The following SLC25A21 variants were observed in gnomAD, a reference collection of about 807,000 sequenced individuals.
SLC25A21 encodes the protein mitochondrial 2-oxodicarboxylate carrier.
SLC25A21 carries 47 observed loss-of-function variants against 43.8 expected under a neutral mutation model. That is an observed-to-expected ratio of 1.07 (90% CI 0.85 to 1.37). The LOEUF (loss-of-function observed/expected upper bound fraction) is 1.37. Ranked by LOEUF, SLC25A21 falls within the 40% of genes most tolerant of loss-of-function variation. The pLI is 0.00. For synonymous variants in SLC25A21, 131 were observed against 121.3 expected, an observed-to-expected ratio of 1.08 and a Z score of -0.52; for missense variants, 352 against 350.2, an observed-to-expected ratio of 1.00 and a Z score of -0.04.
At chr14:36,824,632 C>G (rs986962251) in intron 2 of SLC25A21, among the ~76,000 whole-genome samples, 3 of 151,962 alleles carry the variant, frequency 2.0e-5, no homozygotes, top group African/African-American at 7.3e-5. Flanking sequence ...AAAAGGGCAC[C>G]GGGCTAGAGG....
intron 3 of SLC25A21, among the ~76,000 whole-genome samples, chr14:36,752,583 T>C (rs2139262061): frequency 6.6e-6 from 1 of 152,304 alleles, no homozygotes; most frequent in East Asian, 1.9e-4. Context: ...TTCTGACACA[T>C]GCTATAACAT....
At chr14:36,977,649 G>A (rs1032377167) in intron 1 of SLC25A21, among the ~76,000 whole-genome samples, 9 of 152,074 alleles carry the variant, frequency 5.9e-5, no homozygotes, top group Admixed American at 6.6e-5. Flanking sequence ...TGCAAGGGGG[G>A]CCTTGTAAAA....
At chr14:36,968,105 G>C (rs1042914520) in intron 1 of SLC25A21, among the ~76,000 whole-genome samples, 2 of 152,206 alleles carry the variant, frequency 1.3e-5, no homozygotes, top group Admixed American at 1.3e-4. Context: ...AGTGCTAGTA[G>C]AAGAGAGCTT....
In SLC25A21 at chr14:37,172,579, C is replaced by T. The variant is rs776877910; in HGVS notation, c.-229G>A. On this transcript the variant is annotated 5_prime_UTR_variant, in exon 1 of 10. Transcript: ENST00000331299. The stretch of plus-strand genomic sequence containing the variant: ...CGCAGCGCTCTCGCAGAGGCGCCCT[C>T]GGCTCCGAAAATGTCTCTGGAAAGA... The T allele has an allele frequency of 2.7e-5, 19 of 698,212 alleles. No individual in the cohort carries two copies. Among genetic ancestry groups the T allele is most frequent in the Non-Finnish European group, 4.4e-5 (17 of 382,546 alleles). 43.3% of individuals were successfully genotyped at this position (698,212 alleles called of 1,614,324 possible). A position where few individuals can be genotyped will look rare whatever the true frequency, so the allele number is the denominator to read the frequency against.
rs572953983 is a variant in SLC25A21 at position 36,777,375 on chromosome 14, AT to A, written c.203+36542del. ...CAAAATGACCTCTGTAATGAGTTGG[AT>A]AGTGGCCCTAAAAAGATACGTCCAA... On this transcript the variant is annotated intron_variant, in intron 3 of 9. Coordinates refer to ENST00000331299, the MANE Select transcript of SLC25A21 (RefSeq NM_030631.4). Among the ~76,000 whole-genome samples, 38 of 152,354 alleles carry A rather than the reference AT, an allele frequency of 2.5e-4. No homozygotes were observed. The South Asian group carries it at 7.5e-3, about 30-fold the overall frequency.
In SLC25A21 at chr14:36,770,694, C is replaced by A. The variant is rs527876112; in HGVS notation, c.204-36121G>T. Among the ~76,000 whole-genome samples the A allele has an allele frequency of 7.2e-5, 11 of 152,224 alleles. No homozygotes were observed. The South Asian group carries it at 1.9e-3, about 26-fold the overall frequency. ...TGGTGAGGCATATAATCCCCTATTA[C>A]AACTGTTTCTATGAGGAAATCAGAC... On this transcript the variant is annotated intron_variant, in intron 3 of 9. Coordinates refer to ENST00000331299, the MANE Select transcript of SLC25A21 (RefSeq NM_030631.4).
chr14:36,738,250 C>T (rs544033144), intron 3 of SLC25A21, among the ~76,000 whole-genome samples: 17 of 152,258 alleles, frequency 1.1e-4, no homozygotes, highest in Middle Eastern at 3.4e-3. Flanking sequence ...GTTTTCCCAA[C>T]GCAAAATATT....
intron 1 of SLC25A21, among the ~76,000 whole-genome samples, chr14:37,153,006 C>T (rs1231809440): frequency 3.3e-5 from 5 of 152,256 alleles, no homozygotes; most frequent in Admixed American, 6.5e-5. Context: ...GGCAGCATCC[C>T]TGGTCAGGAC....
At position 36,922,138 on chromosome 14, in the gene SLC25A21, A is replaced by T. The variant is rs1429649708; in HGVS notation, c.71-47134T>A. Among the ~76,000 whole-genome samples, 5 of 106,884 alleles carry T rather than the reference A, an allele frequency of 4.7e-5. No homozygotes were observed. The East Asian group carries it at 1.4e-3, about 29-fold the overall frequency. 70.1% of individuals were successfully genotyped at this position (106,884 alleles called of 152,430 possible). ...TGGGCAACAGAGCGAGATTCTGCCT[A>T]AAAAAAAAAAAAAAATTGTAGTATA... is the stretch of plus-strand genomic sequence containing the variant. On this transcript the variant is annotated intron_variant, in intron 1 of 9. Coordinates refer to ENST00000331299, the MANE Select transcript of SLC25A21 (RefSeq NM_030631.4).
intron 1 of SLC25A21, among the ~76,000 whole-genome samples, chr14:37,039,743 G>A (rs1161970922): frequency 1.3e-5 from 2 of 152,170 alleles, no homozygotes; most frequent in South Asian, 4.1e-4. Flanking sequence ...ATCTTATTTG[G>A]TGTTTAACAC....
At chr14:37,033,185 T>C (rs982241395) in intron 1 of SLC25A21, among the ~76,000 whole-genome samples, 6 of 152,236 alleles carry the variant, frequency 3.9e-5, no homozygotes, top group African/African-American at 1.4e-4. Flanking sequence ...TGAATTTTAC[T>C]ACTTTAGATA....
intron 1 of SLC25A21, among the ~76,000 whole-genome samples, chr14:37,086,084 A>G (rs1383858765): frequency 6.6e-6 from 1 of 152,158 alleles, no homozygotes; most frequent in African/African-American, 2.4e-5. Context: ...TAGCCTGGGC[A>G]ACAGAGCGAG....
At chr14:37,164,263 T>A (rs1963995931) in intron 1 of SLC25A21, among the ~76,000 whole-genome samples, 1 of 152,186 alleles carries the variant, frequency 6.6e-6, no homozygotes, top group South Asian at 2.1e-4. Flanking sequence ...GAGACAAGAT[T>A]ACATTTTACT....
intron 1 of SLC25A21, among the ~76,000 whole-genome samples, chr14:37,156,529 A>G (rs1963853838): frequency 6.6e-6 from 1 of 152,164 alleles, no homozygotes; most frequent in Non-Finnish European, 1.5e-5. Flanking sequence ...ACTGCTTACA[A>G]GAAACTCAAC....
At chr14:36,749,435 T>A (rs1258961662) in intron 3 of SLC25A21, among the ~76,000 whole-genome samples, 1 of 152,102 alleles carries the variant, frequency 6.6e-6, no homozygotes, top group East Asian at 1.9e-4. Context: ...TGCAATAGTC[T>A]CCCAACTGGT....
At chr14:36,718,523 C>G (rs546043847) in intron 6 of SLC25A21, among the ~76,000 whole-genome samples, 71 of 150,348 alleles carry the variant, frequency 4.7e-4, no homozygotes, top group African/African-American at 1.4e-3. Context: ...CTCTCTCTCT[C>G]AAAAGAGATG....
intron 1 of SLC25A21, among the ~76,000 whole-genome samples, chr14:36,964,314 G>C (rs1959564874): frequency 6.6e-6 from 1 of 152,064 alleles, no homozygotes; most frequent in South Asian, 2.1e-4. Flanking sequence ...AACCCTTTTT[G>C]TATAGACTCA....
chr14:37,031,622 A>G (rs1961212882), intron 1 of SLC25A21, among the ~76,000 whole-genome samples: 1 of 152,194 alleles, frequency 6.6e-6, no homozygotes, highest in African/African-American at 2.4e-5. Flanking sequence ...ACTGGTAACC[A>G]TATCGAAAGC....
At chr14:36,773,024 G>A (rs747092560) in intron 3 of SLC25A21, among the ~76,000 whole-genome samples, 2 of 152,140 alleles carry the variant, frequency 1.3e-5, no homozygotes, top group Non-Finnish European at 2.9e-5. Flanking sequence ...GCTGAACACC[G>A]TTCAGAAGAA....
Sources: allele counts gnomAD v4.1 joint callset (sites outside exome capture counted in the v4.1 genomes callset), GRCh38; gene constraint gnomAD v4.1.1; transcripts MANE v1.5; gene names NCBI Gene and HGNC (gene_info 2026-07-23, HGNC 2026-07-21).